The following FRS2 variants were observed in gnomAD, a reference collection of about 807,000 sequenced individuals.
The protein encoded by FRS2 is fibroblast growth factor receptor substrate 2, also known as FGFR signalling adaptor.
Under a neutral mutation model 43.9 loss-of-function variants are expected in FRS2, and 8 were observed. That is an observed-to-expected ratio of 0.18 (90% CI 0.11 to 0.33). The LOEUF (loss-of-function observed/expected upper bound fraction) is 0.33, where lower values mean the gene tolerates loss of function less well. Among genes scored for constraint, FRS2 ranks in the 10% least tolerant of loss-of-function variants. The pLI, the probability that FRS2 is intolerant of heterozygous loss-of-function variation, is 1.00. For synonymous variants in FRS2, 219 were observed against 220.3 expected, an observed-to-expected ratio of 0.99 and a Z score of 0.05; for missense variants, 534 against 627.6, an observed-to-expected ratio of 0.85 and a Z score of 1.59.
At chr12:69,479,386 G>A (rs1035017094) in intron 1 of FRS2, among the ~76,000 whole-genome samples, 1 of 122,362 alleles carries the variant, frequency 8.2e-6, no homozygotes, top group Non-Finnish European at 1.7e-5. Flanking sequence ...TTAATCTGTT[G>A]TTTCTTTTTT....
chr12:69,521,034 G>T (rs149243289), intron 1 of FRS2, among the ~76,000 whole-genome samples: 1 of 152,178 alleles, frequency 6.6e-6, no homozygotes, highest in African/African-American at 2.4e-5. Context: ...CTATCCATGA[G>T]CATGGAATGT....
At chr12:69,525,055 G>A (rs1876070819) in intron 1 of FRS2, among the ~76,000 whole-genome samples, 1 of 152,108 alleles carries the variant, frequency 6.6e-6, no homozygotes, top group South Asian at 2.1e-4. Context: ...GAGTGCACGA[G>A]TCTTCCTGAT....
chr12:69,488,941 G>A (rs1417163502), intron 1 of FRS2, among the ~76,000 whole-genome samples: 1 of 152,188 alleles, frequency 6.6e-6, no homozygotes, highest in Non-Finnish European at 1.5e-5. Flanking sequence ...CCTGTGTTGG[G>A]CATTAGGGAG....
chr12:69,560,129 T>TTTAC (rs1879760875), intron 3 of FRS2, among the ~76,000 whole-genome samples: 2 of 152,350 alleles, frequency 1.3e-5, no homozygotes, highest in South Asian at 4.1e-4. Flanking sequence ...AATTTATTAA[T>TTTAC]GTAATACTTG....
chr12:69,571,605 T>G (rs1222807615), intron 7 of FRS2, among the ~76,000 whole-genome samples, 171 bp downstream of exon 7: 38 of 152,212 alleles, frequency 2.5e-4, no homozygotes. Flanking sequence ...CTCACGCCTG[T>G]AATCCCAGCA....
chr12:69,495,457 CTG>C (rs1872793298), intron 1 of FRS2, among the ~76,000 whole-genome samples: 1 of 152,194 alleles, frequency 6.6e-6, no homozygotes, highest in Admixed American at 6.5e-5. Context: ...TTTCTCATGT[CTG>C]TGCCTCAATA....
intron 1 of FRS2, among the ~76,000 whole-genome samples, chr12:69,474,084 G>A (rs548200785): frequency 2.0e-5 from 3 of 152,144 alleles, no homozygotes; most frequent in South Asian, 2.1e-4. Flanking sequence ...CTCGTGATCC[G>A]CCTGCCTCAG....
chr12:69,532,021 A>G lies in FRS2; in HGVS notation c.-157A>G, dbSNP rs913202064. ...TACCTGAAATTTTTTTAGGAACAAA[A>G]TTGTATCTGTTTTTCTCAGAAGAGA... On this transcript the variant is annotated 5_prime_UTR_variant, in exon 3 of 9. Transcript: ENST00000549921. The G allele has an allele frequency of 1.3e-5, 2 of 152,618 alleles. No homozygotes were observed. The highest frequency in any genetic ancestry group is 2.9e-5 in the Non-Finnish European group (2 of 68,036). The allele number at this position is 152,618 out of a possible 1,614,324, so 9.5% of individuals were successfully genotyped here.
chr12:69,485,471 C>T (rs1445730357), intron 1 of FRS2, among the ~76,000 whole-genome samples: 6 of 151,618 alleles, frequency 4.0e-5, no homozygotes, highest in South Asian at 2.1e-4. Flanking sequence ...CGTGAGCCAC[C>T]GCGCCCAGCC....
At chr12:69,549,862 C>G (rs1878721584) in intron 3 of FRS2, among the ~76,000 whole-genome samples, 1 of 152,240 alleles carries the variant, frequency 6.6e-6, no homozygotes, top group South Asian at 2.1e-4. Context: ...ATACCACACT[C>G]TTGGGGGTTG....
rs563567212 is a variant in FRS2, at chr12:69,501,968, T to G, written c.-260-28897T>G. 2.1e-5 allele frequency among the ~76,000 whole-genome samples: 3 copies of G among 143,998 alleles called. No individual in the cohort carries two copies. The East Asian group carries it at 7.8e-4, about 37-fold the overall frequency. The allele number at this position is 143,998 out of a possible 152,430, so 94.5% of individuals were successfully genotyped here. On this transcript the variant is annotated intron_variant, in intron 1 of 8. Coordinates refer to ENST00000549921, the MANE Select transcript of FRS2 (RefSeq NM_001278356.2). ...ACCTATCTGTTTTTTTTGTTTTGTTTTTTTTGTTTTTTTGTGAGATGGAGC... is the reference window on the plus strand; with the variant it reads ...ACCTATCTGTTTTTTTTGTTTTGTTGTTTTTGTTTTTTTGTGAGATGGAGC...
At chr12:69,535,668 A>G (rs1468108411) in intron 3 of FRS2, among the ~76,000 whole-genome samples, 3 of 152,014 alleles carry the variant, frequency 2.0e-5, no homozygotes, top group Non-Finnish European at 2.9e-5. Context: ...TATTAAGTAC[A>G]GTGTTATATT....
intron 1 of FRS2, among the ~76,000 whole-genome samples, chr12:69,477,350 A>G (rs976099624): frequency 1.6e-4 from 22 of 137,198 alleles, no homozygotes; most frequent in Non-Finnish European, 2.3e-4. Flanking sequence ...GCGCGATCTC[A>G]GCTCACTGCA....
chr12:69,502,365 T>C (rs1456960237), intron 1 of FRS2, among the ~76,000 whole-genome samples: 3 of 152,200 alleles, frequency 2.0e-5, no homozygotes, highest in African/African-American at 4.8e-5. Flanking sequence ...AGAAATCTTA[T>C]ATATAACACA....
At chr12:69,521,753 T>A (rs1410546664) in intron 1 of FRS2, among the ~76,000 whole-genome samples, 4 of 152,186 alleles carry the variant, frequency 2.6e-5, no homozygotes, top group Non-Finnish European at 5.9e-5. Context: ...TAGCTGGGAC[T>A]ACAGGTGCCC....
chr12:69,475,733 C>T (rs1870703907), intron 1 of FRS2, among the ~76,000 whole-genome samples: 1 of 152,062 alleles, frequency 6.6e-6, no homozygotes, highest in Non-Finnish European at 1.5e-5. Flanking sequence ...TTGGGCATTA[C>T]GTATCATCAC....
chr12:69,530,353 T>A lies in FRS2; in HGVS notation c.-260-512T>A, dbSNP rs547207004. On this transcript the variant is annotated intron_variant, in intron 1 of 8. Coordinates refer to ENST00000549921, the MANE Select transcript of FRS2 (RefSeq NM_001278356.2). Reference sequence around the variant, plus strand: ...GTGACAGGAATTGAGGACTGAAGAGTTCTGGTCCCGTGGTACAAATAGCCA... The same window carrying A: ...GTGACAGGAATTGAGGACTGAAGAGATCTGGTCCCGTGGTACAAATAGCCA... Among the ~76,000 whole-genome samples the A allele has an allele frequency of 8.6e-5, 13 of 151,810 alleles. 1 individual carries two copies. In the East Asian group the frequency reaches 2.5e-3, roughly 29 times the overall value.
chr12:69,510,380 G>A (rs573229440), intron 1 of FRS2, among the ~76,000 whole-genome samples: 1 of 152,212 alleles, frequency 6.6e-6, no homozygotes, highest in South Asian at 2.1e-4. Context: ...CTGTACGCTA[G>A]ATATCTGTAT....
chr12:69,495,889 C>T (rs1359303883), intron 1 of FRS2, among the ~76,000 whole-genome samples: 1 of 151,930 alleles, frequency 6.6e-6, no homozygotes, highest in Non-Finnish European at 1.5e-5. Context: ...TCTGATAGTG[C>T]CGTTGCACTC....
Sources: allele counts gnomAD v4.1 joint callset (sites outside exome capture counted in the v4.1 genomes callset), GRCh38; gene constraint gnomAD v4.1.1; transcripts MANE v1.5; gene names NCBI Gene and HGNC (gene_info 2026-07-23, HGNC 2026-07-21).